Variants in ST6GALNAC3 observed in about 807,000 individuals in gnomAD.
The protein encoded by ST6GALNAC3 is alpha-N-acetylgalactosaminide alpha-2,6-sialyltransferase 3.
Under a neutral mutation model 32.7 loss-of-function variants are expected in ST6GALNAC3, and 25 were observed. The observed-to-expected ratio is 0.76, with a 90% CI of 0.56 to 1.07. The LOEUF (loss-of-function observed/expected upper bound fraction) is 1.07. ST6GALNAC3 is among the 50% of genes least tolerant of loss of function. The pLI is 0.00. For missense variants in ST6GALNAC3, 355 were observed against 382.4 expected (o/e 0.93, Z 0.60); for synonymous variants, 129 against 133.1 (o/e 0.97, Z 0.21).
chr1:76,486,915 G>A (rs1660158854), intron 3 of ST6GALNAC3, among the ~76,000 whole-genome samples: 1 of 152,164 alleles, frequency 6.6e-6, no homozygotes, highest in African/African-American at 2.4e-5. Flanking sequence ...TTTTAGGGCA[G>A]GCCTGGTGGT....
chr1:76,358,329 G>A (rs535031534), intron 2 of ST6GALNAC3, among the ~76,000 whole-genome samples: 1 of 152,234 alleles, frequency 6.6e-6, no homozygotes, highest in East Asian at 1.9e-4. Flanking sequence ...ATGCTTCAGA[G>A]GACCCAACAT....
At chr1:76,521,355 G>A (rs1195238043) in intron 3 of ST6GALNAC3, among the ~76,000 whole-genome samples, 4 of 151,418 alleles carry the variant, frequency 2.6e-5, no homozygotes, top group Non-Finnish European at 5.9e-5. Context: ...AAACACACAT[G>A]GAGAGGAAAA....
intron 1 of ST6GALNAC3, among the ~76,000 whole-genome samples, chr1:76,241,370 C>A (rs191405367): frequency 1.2e-3 from 181 of 152,182 alleles, no homozygotes; most frequent in African/African-American, 3.8e-3. Context: ...TGAAGCAGAA[C>A]CAGTGTGTGC....
At chr1:76,637,137 GC>G (rs1649523528), downstream of ST6GALNAC3, 1 of 152,084 alleles carries the variant, frequency 6.6e-6, no homozygotes, top group South Asian at 2.1e-4. Flanking sequence ...GAGAGTTCTT[GC>G]TCTATATTTG....
intron 2 of ST6GALNAC3, among the ~76,000 whole-genome samples, chr1:76,327,347 G>T (rs1467225624): frequency 6.6e-6 from 1 of 151,300 alleles, no homozygotes; most frequent in African/African-American, 2.4e-5. Context: ...TTGAGAAGGA[G>T]ATATTTTAAA....
chr1:76,335,584 C>T (rs1245805316), intron 2 of ST6GALNAC3, among the ~76,000 whole-genome samples: 1 of 152,194 alleles, frequency 6.6e-6, no homozygotes, highest in East Asian at 1.9e-4. Flanking sequence ...CATGCAAACT[C>T]CACACAGACG....
At chr1:76,173,119 T>A (rs1232570393) in intron 1 of ST6GALNAC3, among the ~76,000 whole-genome samples, 1 of 152,188 alleles carries the variant, frequency 6.6e-6, no homozygotes, top group Non-Finnish European at 1.5e-5. Flanking sequence ...AACAGCATGG[T>A]ACTGGTACCA....
chr1:76,392,741 C>T (rs913288848), intron 2 of ST6GALNAC3, among the ~76,000 whole-genome samples: 1 of 152,058 alleles, frequency 6.6e-6, no homozygotes, highest in Admixed American at 6.6e-5. Flanking sequence ...CTTGATTGAC[C>T]TAATGTTGCA....
intron 3 of ST6GALNAC3, among the ~76,000 whole-genome samples, chr1:76,585,300 C>G (rs1646945337): frequency 6.6e-6 from 1 of 151,712 alleles, no homozygotes; most frequent in African/African-American, 2.4e-5. Flanking sequence ...ACAGGAGAAT[C>G]TCTTGAACTT....
chr1:76,196,586 C>T (rs1025138434), intron 1 of ST6GALNAC3, among the ~76,000 whole-genome samples: 2 of 151,994 alleles, frequency 1.3e-5, no homozygotes, highest in Non-Finnish European at 2.9e-5. Context: ...CCACGTCAGC[C>T]TCTCGAGTAG....
chr1:76,204,341 A>G (rs1040956961), intron 1 of ST6GALNAC3, among the ~76,000 whole-genome samples: 1 of 152,234 alleles, frequency 6.6e-6, no homozygotes, highest in African/African-American at 2.4e-5. Flanking sequence ...TATTGTTGCC[A>G]TAAATATGGG....
At chr1:76,294,051 A>G (rs1660249848) in intron 1 of ST6GALNAC3, among the ~76,000 whole-genome samples, 1 of 152,120 alleles carries the variant, frequency 6.6e-6, no homozygotes, top group African/African-American at 2.4e-5. Flanking sequence ...CTTTTTAACG[A>G]GGGACTATAC....
chr1:76,408,057 A>T (rs1416953952), intron 2 of ST6GALNAC3, among the ~76,000 whole-genome samples: 1 of 152,032 alleles, frequency 6.6e-6, no homozygotes, highest in East Asian at 1.9e-4. Context: ...TCTTTTTGTC[A>T]TGGCATACTG....
At chr1:76,531,150 T>G (rs1663227421) in intron 3 of ST6GALNAC3, among the ~76,000 whole-genome samples, 1 of 152,198 alleles carries the variant, frequency 6.6e-6, no homozygotes, top group Non-Finnish European at 1.5e-5. Flanking sequence ...GCCAGCCTAC[T>G]CGTGTCTCCA....
intron 3 of ST6GALNAC3, among the ~76,000 whole-genome samples, chr1:76,493,272 T>C (rs973841392): frequency 2.6e-5 from 4 of 152,144 alleles, no homozygotes; most frequent in African/African-American, 9.7e-5. Context: ...CCAAAAGACA[T>C]GACTTACAGG....
intron 1 of ST6GALNAC3, among the ~76,000 whole-genome samples, chr1:76,098,583 G>C (rs1647171925): frequency 6.6e-6 from 1 of 150,682 alleles, no homozygotes; most frequent in East Asian, 1.9e-4. Context: ...TGTGTGAACT[G>C]CCTGTATTAG....
chr1:76,262,372 G>C (rs1019770210), intron 1 of ST6GALNAC3, among the ~76,000 whole-genome samples: 11 of 152,184 alleles, frequency 7.2e-5, no homozygotes, highest in African/African-American at 2.7e-4. Flanking sequence ...GTATTTATTG[G>C]ACTCTGTTCA....
Position 76,629,638 on chromosome 1 carries a change from A to G in ST6GALNAC3, c.*832A>G, listed in dbSNP as rs1649188625. On this transcript the variant is annotated 3_prime_UTR_variant, in exon 5 of 5. Transcript: ENST00000328299. The stretch of plus-strand genomic sequence containing the variant: ...ATACCAACTTCAACACTGTAATAAC[A>G]TATACTGTGAAAACATTCCTAAAAA... 1 of 985,002 alleles carries G rather than the reference A, an allele frequency of 1.0e-6. No homozygotes were observed. Among genetic ancestry groups the G allele is most frequent in the Non-Finnish European group, 1.2e-6 (1 of 829,336 alleles). 61.0% of individuals were successfully genotyped at this position (985,002 alleles called of 1,614,324 possible).
chr1:76,276,244 A>G (rs1039286049), intron 1 of ST6GALNAC3, among the ~76,000 whole-genome samples: 2 of 151,846 alleles, frequency 1.3e-5, no homozygotes, highest in African/African-American at 4.8e-5. Context: ...ATGCGATTTC[A>G]TAGCCCCCTT....
Sources: allele counts gnomAD v4.1 joint callset (sites outside exome capture counted in the v4.1 genomes callset), GRCh38; gene constraint gnomAD v4.1.1; transcripts MANE v1.5; gene names NCBI Gene and HGNC (gene_info 2026-07-23, HGNC 2026-07-21).